Variants in NCK2 observed in about 807,000 individuals in gnomAD.
NCK2 encodes NCK adaptor protein 2.
A neutral mutation model predicts 33.9 loss-of-function variants in NCK2; 16 were observed. That is an observed-to-expected ratio of 0.47 (90% CI 0.32 to 0.72). NCK2 has a LOEUF of 0.72. Ranked by LOEUF, NCK2 falls within the 30% of genes least tolerant of loss-of-function variation. NCK2 has a pLI of 0.03. For missense variants in NCK2, 418 were observed against 537.3 expected, an observed-to-expected ratio of 0.78 and a Z score of 2.19; for synonymous variants, 273 against 239.9, an observed-to-expected ratio of 1.14 and a Z score of -1.27.
At chr2:105,881,290 A>C (rs1223429957) in intron 3 of NCK2, 38 bp from the exon 4 acceptor site, 1 of 1,543,566 alleles carries the variant, frequency 6.5e-7, no homozygotes, top group Non-Finnish European at 8.7e-7. Context: ...GTGGTGCCCA[A>C]GTGCCCTGCG....
chr2:105,787,111 T>C (rs1312006633), intron 1 of NCK2, among the ~76,000 whole-genome samples: 1 of 152,246 alleles, frequency 6.6e-6, no homozygotes, highest in Non-Finnish European at 1.5e-5. Context: ...GGGCAGCTGC[T>C]GTTACTCCCA....
intron 2 of NCK2, among the ~76,000 whole-genome samples, chr2:105,829,491 A>G (rs1676082847): frequency 1.3e-5 from 2 of 152,202 alleles, no homozygotes; most frequent in Admixed American, 6.5e-5. Context: ...GATTCCATCC[A>G]AGATGCCACA....
At chr2:105,802,119 T>A (rs1166386307) in intron 1 of NCK2, among the ~76,000 whole-genome samples, 1 of 152,150 alleles carries the variant, frequency 6.6e-6, no homozygotes, top group Admixed American at 6.5e-5. Flanking sequence ...AGACGATGCA[T>A]GGTTAGAGCA....
intron 2 of NCK2, chr2:105,854,457 G>A (rs1348276916): frequency 2.6e-5 from 4 of 152,418 alleles, no homozygotes; most frequent in African/African-American, 9.7e-5. Flanking sequence ...TTATGTGAAT[G>A]CAGTAACATC....
At chr2:105,821,200 A>C (rs111659615) in intron 2 of NCK2, among the ~76,000 whole-genome samples, 5 of 152,188 alleles carry the variant, frequency 3.3e-5, no homozygotes, top group Non-Finnish European at 5.9e-5. Flanking sequence ...CACTTTTATC[A>C]TATCCTGGTT....
At chr2:105,848,879 T>C (rs543924787) in intron 2 of NCK2, among the ~76,000 whole-genome samples, 2 of 152,242 alleles carry the variant, frequency 1.3e-5, no homozygotes, top group Admixed American at 1.3e-4. Context: ...TCAGACTGCA[T>C]GTTGAAAATC....
intron 1 of NCK2, among the ~76,000 whole-genome samples, chr2:105,758,128 C>T (rs1158249857): frequency 1.3e-5 from 2 of 152,172 alleles, no homozygotes; most frequent in African/African-American, 4.8e-5. Flanking sequence ...ATGAGTTAAA[C>T]TACTTGGCGC....
chr2:105,804,075 G>A (rs367740675), intron 1 of NCK2, among the ~76,000 whole-genome samples: 3 of 151,970 alleles, frequency 2.0e-5, no homozygotes, highest in Admixed American at 6.5e-5. Context: ...CATTTTTTAC[G>A]GGGCAAATTA....
intron 2 of NCK2, among the ~76,000 whole-genome samples, chr2:105,833,922 G>A (rs1021703838): frequency 1.3e-5 from 2 of 152,048 alleles, no homozygotes; most frequent in Non-Finnish European, 2.9e-5. Flanking sequence ...GTTCATTCAA[G>A]AGCAACTTGT....
intron 1 of NCK2, among the ~76,000 whole-genome samples, chr2:105,756,662 G>C (rs1412422348): frequency 2.0e-5 from 3 of 152,348 alleles, no homozygotes; most frequent in East Asian, 3.9e-4. Context: ...GGATGGCCCA[G>C]CTCCAGAGCA....
chr2:105,789,609 A>T (rs919083607), intron 1 of NCK2, among the ~76,000 whole-genome samples: 6 of 152,236 alleles, frequency 3.9e-5, no homozygotes, highest in Non-Finnish European at 8.8e-5. Flanking sequence ...CTTGCTACAT[A>T]AAATCCTTAT....
intron 2 of NCK2, among the ~76,000 whole-genome samples, chr2:105,819,344 A>T (rs1675636220): frequency 6.7e-6 from 1 of 149,686 alleles, no homozygotes; most frequent in Non-Finnish European, 1.5e-5. Context: ...AAAAAAAAAA[A>T]GTCATTGGGG....
chr2:105,830,670 GGTGTGTGTGTGTGTGTGTGTGT>G (rs56220635), intron 2 of NCK2, among the ~76,000 whole-genome samples: 1 of 98,986 alleles, frequency 1.0e-5, no homozygotes, highest in Non-Finnish European at 2.1e-5. Flanking sequence ...CCAGGAATTT[GGTGTGTGTGTGTGTGTGTGTGT>G]GTGTGTGTGT....
intron 1 of NCK2, among the ~76,000 whole-genome samples, chr2:105,787,905 C>G (rs1468231777): frequency 2.0e-5 from 3 of 151,910 alleles, no homozygotes; most frequent in Non-Finnish European, 4.4e-5. Context: ...ATACCGCCCC[C>G]CACCGCCCCC....
chr2:105,802,450 T>G (rs1297163903), intron 1 of NCK2, among the ~76,000 whole-genome samples: 1 of 152,240 alleles, frequency 6.6e-6, no homozygotes, highest in East Asian at 1.9e-4. Flanking sequence ...TTCACGGTTC[T>G]GCAGGAGGTA....
chr2:105,861,232 A>G (rs920473845), intron 3 of NCK2, among the ~76,000 whole-genome samples: 22 of 152,328 alleles, frequency 1.4e-4, no homozygotes, highest in African/African-American at 5.1e-4. Flanking sequence ...CAAATTCCTC[A>G]TTATGTAAAA....
chr2:105,881,162 G>T (rs951489437), intron 3 of NCK2, among the ~76,000 whole-genome samples, 166 bp from the exon 4 acceptor site: 1 of 152,126 alleles, frequency 6.6e-6, no homozygotes, highest in Admixed American at 6.5e-5. Flanking sequence ...GGAGGCAGCT[G>T]CCAGCAACCG....
In NCK2 at chr2:105,855,183, G is replaced by T. The variant is rs1332202984; in HGVS notation, c.120G>T (p.Arg40=). The stretch of plus-strand genomic sequence containing the variant: ...TGGACGACTCCAAGACGTGGTGGCG[G>T]GTGAGGAACGCGGCCAACAGGACGG... ...WLLDDSKTWW[R]VRNAANRTGY... The change falls in exon 3 of 5, where the codon CGG becomes CGT. Residue 40 remains arginine, a synonymous_variant. Transcript: ENST00000233154. The T allele has an allele frequency of 3.1e-6, 5 of 1,614,168 alleles. No individual in the cohort carries two copies. The Admixed American group carries it at 6.7e-5, about 22-fold the overall frequency.
chr2:105,771,490 G>A (rs114071060), intron 1 of NCK2, among the ~76,000 whole-genome samples: 2,869 of 152,116 alleles, frequency 0.019, 52 homozygotes, highest in Non-Finnish European at 0.022. Flanking sequence ...CACTTGACCC[G>A]AGAGGTGAAT....
Sources: gnomAD v4.1 joint callset for allele counts (sites outside exome capture counted in the v4.1 genomes callset) on GRCh38, gnomAD v4.1.1 for gene constraint, MANE v1.5 for transcripts, NCBI Gene and HGNC (gene_info 2026-07-23, HGNC 2026-07-21) for gene names.